TGFBR2: variants seen among roughly 807,000 people sequenced by gnomAD.
TGFBR2 encodes TGF-beta receptor type-2.
Under a neutral mutation model 49.0 loss-of-function variants are expected in TGFBR2, and 18 were observed. The observed-to-expected ratio is 0.37, with a 90% confidence interval of 0.25 to 0.54. TGFBR2 has a LOEUF of 0.54. Among genes scored for constraint, TGFBR2 ranks in the 20% least tolerant of loss-of-function variants. TGFBR2 has a pLI of 0.85. For missense variants in TGFBR2, 525 were observed against 722.6 expected (o/e 0.73, Z 3.13); for synonymous variants, 282 against 275.9 (o/e 1.02, Z -0.22).
chr3:30,651,732 A>G (rs1393175173), intron 3 of TGFBR2, among the ~76,000 whole-genome samples: 1 of 152,236 alleles, frequency 6.6e-6, no homozygotes, highest in Non-Finnish European at 1.5e-5. Flanking sequence ...TTTCTAGATT[A>G]GAAATATGTG....
chr3:30,688,473 G>A lies in TGFBR2; in HGVS notation c.1486G>A (p.Gly496Arg), dbSNP rs2125452099. The A allele has an allele frequency of 6.2e-7, 1 of 1,614,216 alleles. No individual in the cohort carries two copies. Among genetic ancestry groups the A allele is most frequent in the Non-Finnish European group, 8.5e-7 (1 of 1,180,022 alleles). ...GAAGGACAACGTGTTGAGAGATCGA[G>A]GGCGACCAGAAATTCCCAGCTTCTG... ...SMKDNVLRDR[G>R]RPEIPSFWLN... The change falls in exon 6 of 7, where the codon GGG (glycine) becomes AGG (arginine). Residue 496 changes from glycine (G) to arginine (R), a missense_variant. Physicochemically the swap from Gly to Arg is moderately radical, Grantham distance 125. Coordinates refer to ENST00000295754, the MANE Select transcript of TGFBR2 (RefSeq NM_003242.6).
At chr3:30,643,824 A>G (rs73823652) in intron 1 of TGFBR2, among the ~76,000 whole-genome samples, 10 of 152,266 alleles carry the variant, frequency 6.6e-5, no homozygotes, top group Non-Finnish European at 1.5e-4. Context: ...TAAATAAAAC[A>G]GAGTTGCTAT....
intron 5 of TGFBR2, among the ~76,000 whole-genome samples, chr3:30,675,801 C>T (rs954653814): frequency 1.3e-5 from 2 of 152,202 alleles, no homozygotes; most frequent in African/African-American, 4.8e-5. Flanking sequence ...AATATCTAAC[C>T]TAAACCATAG....
chr3:30,649,762 G>A (rs969078867), intron 2 of TGFBR2, among the ~76,000 whole-genome samples: 1 of 151,848 alleles, frequency 6.6e-6, no homozygotes, highest in Non-Finnish European at 1.5e-5. Context: ...CTGGGGCCCA[G>A]CAAACAAAAA....
chr3:30,688,567 T>A lies in TGFBR2; in HGVS notation c.1524+56T>A, dbSNP rs758805525. 5.0e-6 allele frequency: 8 copies of A among 1,608,414 alleles called. No individual in the cohort carries two copies. In the Admixed American group the frequency reaches 5.0e-5, roughly 10 times the overall value. On this transcript the variant is annotated intron_variant, in intron 6 of 6. Transcript: ENST00000295754. The stretch of plus-strand genomic sequence containing the variant: ...AGATTCAACCAAGTTGCCTCTTAGG[T>A]GGCAGAGAATTCTGGAATATTGAGC...
At position 30,674,101 on chromosome 3, in the gene TGFBR2, A is replaced by C. The variant is rs773834537; in HGVS notation, c.1255-4A>C. On this transcript the variant is annotated splice_region_variant and splice_polypyrimidine_tract_variant and intron_variant, in intron 4 of 6. Coordinates refer to ENST00000295754, the MANE Select transcript of TGFBR2 (RefSeq NM_003242.6). ...ATGGGCCTCACTGTCTGTTTTTGCT[A>C]TAGGTGGGAACTGCAAGATACATGG... The C allele has an allele frequency of 5.0e-6, 8 of 1,614,116 alleles. No homozygotes were observed. The highest frequency in any genetic ancestry group is 6.8e-6 in the Non-Finnish European group (8 of 1,180,010).
intron 1 of TGFBR2, among the ~76,000 whole-genome samples, chr3:30,636,197 G>GTGTGTGTGTA (rs1698526586): frequency 7.1e-6 from 1 of 141,684 alleles, no homozygotes; most frequent in Non-Finnish European, 1.5e-5. Flanking sequence ...GTGTGTGTGT[G>GTGTGTGTGTA]TGTATAGTAC....
At chr3:30,624,542 G>A (rs767439365) in intron 1 of TGFBR2, among the ~76,000 whole-genome samples, 27 of 152,028 alleles carry the variant, frequency 1.8e-4, no homozygotes, top group Non-Finnish European at 3.1e-4. Flanking sequence ...CTTGAACCTG[G>A]GAGGCGGAGG....
intron 1 of TGFBR2, among the ~76,000 whole-genome samples, chr3:30,637,613 ACTCTATACATTGGT>A (rs1157654005): frequency 6.6e-6 from 1 of 152,072 alleles, no homozygotes; most frequent in Non-Finnish European, 1.5e-5. Flanking sequence ...AGCCCAAGTA[ACTCTATACATTGGT>A]CTCTACCTTG....
chr3:30,682,141 G>A (rs1216124606), intron 5 of TGFBR2, among the ~76,000 whole-genome samples: 1 of 152,174 alleles, frequency 6.6e-6, no homozygotes, highest in African/African-American at 2.4e-5. Flanking sequence ...AGCCTAACCG[G>A]AAGAGCCAGT....
intron 3 of TGFBR2, among the ~76,000 whole-genome samples, chr3:30,658,721 G>T (rs1003991926): frequency 3.3e-5 from 5 of 152,174 alleles, no homozygotes; most frequent in Non-Finnish European, 1.5e-5. Flanking sequence ...TCTTTTAAGT[G>T]AAAACAGCCT....
chr3:30,676,652 T>C lies in TGFBR2; in HGVS notation c.1396+2406T>C, dbSNP rs921708497. Reference sequence around the variant, plus strand: ...AACATTTTGCCCAAGGCAGATTCAGTTGGCACCACTGCTGGCTCTGATTCT... The same window carrying C: ...AACATTTTGCCCAAGGCAGATTCAGCTGGCACCACTGCTGGCTCTGATTCT... On this transcript the variant is annotated intron_variant, in intron 5 of 6. Coordinates refer to ENST00000295754, the MANE Select transcript of TGFBR2 (RefSeq NM_003242.6). This position sits in a 1 kb window ranked among gnomAD's most constrained non-coding sequence, Gnocchi z 4.3. Among the ~76,000 whole-genome samples, 2 of 152,252 alleles carry C rather than the reference T, an allele frequency of 1.3e-5. No individual in the cohort carries two copies. Among genetic ancestry groups the C allele is most frequent in the Admixed American group, 1.3e-4 (2 of 15,286 alleles).
chr3:30,622,879 CAAAAAAAAAAAAAA>C (rs10575244), intron 1 of TGFBR2, among the ~76,000 whole-genome samples: 1 of 75,650 alleles, frequency 1.3e-5, no homozygotes, highest in East Asian at 4.1e-4. Context: ...GACTTTGTCT[CAAAAAAAAAAAAAA>C]AAAAAAAAAA....
chr3:30,652,068 A>G (rs1379252383), intron 3 of TGFBR2, among the ~76,000 whole-genome samples: 3 of 151,998 alleles, frequency 2.0e-5, no homozygotes, highest in Non-Finnish European at 2.9e-5. Context: ...ACCTACTGCC[A>G]TTCTCCCTAT....
rs139308302 is a variant in TGFBR2, at chr3:30,623,259, A to G, written c.94+16282A>G. The G allele has an allele frequency of 1.9e-6, 3 of 1,614,010 alleles. No individual in the cohort carries two copies. Among genetic ancestry groups the G allele is most frequent in the Non-Finnish European group, 2.5e-6 (3 of 1,179,898 alleles). ...TGCCCCAGCTGTAATAGGACTGCCC[A>G]TCCACTGAGACATAGTAAAGTATCA... On this transcript the variant is annotated intron_variant, in intron 1 of 6. Coordinates refer to ENST00000295754, the MANE Select transcript of TGFBR2 (RefSeq NM_003242.6).
intron 5 of TGFBR2, among the ~76,000 whole-genome samples, chr3:30,678,896 T>C (rs1179936714): frequency 6.6e-6 from 1 of 152,144 alleles, no homozygotes; most frequent in Non-Finnish European, 1.5e-5. Context: ...TGAAGAAAAA[T>C]GTTCTAAGCA....
chr3:30,648,460 A>ACACACACACACACCCACC (rs1553627538), intron 2 of TGFBR2, among the ~76,000 whole-genome samples: 14 of 142,484 alleles, frequency 9.8e-5, no homozygotes, highest in East Asian at 6.4e-4. Context: ...ACACACACAC[A>ACACACACACACACCCACC]CAAAACTGTG....
chr3:30,684,171 C>T (rs892270015), intron 5 of TGFBR2, among the ~76,000 whole-genome samples: 1 of 152,076 alleles, frequency 6.6e-6, no homozygotes, highest in Non-Finnish European at 1.5e-5. Context: ...GTTGCCTGAT[C>T]GCTGCAATTG....
intron 6 of TGFBR2, among the ~76,000 whole-genome samples, chr3:30,689,945 T>G (rs1156352421): frequency 6.6e-6 from 1 of 152,234 alleles, no homozygotes; most frequent in Non-Finnish European, 1.5e-5. Flanking sequence ...TAAATGTTAC[T>G]TGTGTACCAA....
Sources: allele counts gnomAD v4.1 joint callset (sites outside exome capture counted in the v4.1 genomes callset), GRCh38; gene constraint gnomAD v4.1.1; non-coding constraint Gnocchi (gnomAD v3.1); transcripts MANE v1.5; gene names NCBI Gene and HGNC (gene_info 2026-07-23, HGNC 2026-07-21).